RHOD: variants seen among roughly 807,000 people sequenced by gnomAD.
The protein encoded by RHOD is ras homolog family member D, also known as rho-related GTP-binding protein RhoD.
In RHOD, 11 loss-of-function variants were observed where a neutral mutation model predicts 16.7. That is an observed-to-expected ratio of 0.66 (90% CI 0.41 to 1.09). The LOEUF is 1.09. Ranked by LOEUF, RHOD falls within the 50% of genes least tolerant of loss-of-function variation. The pLI, the probability that RHOD is intolerant of heterozygous loss-of-function variation, is 0.00. For synonymous variants in RHOD, 124 were observed against 126.3 expected (o/e 0.98, Z 0.12); for missense variants, 271 against 291.7 (o/e 0.93, Z 0.52).
At chr11:67,070,259 A>G (rs763568271) in intron 3 of RHOD, 166 bp from the exon 4 acceptor site, 7 of 773,208 alleles carry the variant, frequency 9.1e-6, no homozygotes, top group Admixed American at 4.0e-5. Flanking sequence ...ATACGTGTAA[A>G]TTCTTAGATG....
intron 1 of RHOD, among the ~76,000 whole-genome samples, chr11:67,057,911 G>A (rs944141782): frequency 9.2e-5 from 14 of 152,364 alleles, no homozygotes; most frequent in African/African-American, 2.6e-4. Flanking sequence ...AGACTCCACG[G>A]GCACCAGGCG....
intron 4 of RHOD, among the ~76,000 whole-genome samples, 160 bp downstream of exon 4, chr11:67,070,719 T>C (rs1855019325): frequency 6.6e-6 from 1 of 152,016 alleles, no homozygotes; most frequent in Non-Finnish European, 1.5e-5. Flanking sequence ...CACTTAGAAA[T>C]GGTCCCTAGA....
chr11:67,067,854 C>T (rs1424277154), intron 3 of RHOD, among the ~76,000 whole-genome samples: 1 of 152,118 alleles, frequency 6.6e-6, no homozygotes, highest in Non-Finnish European at 1.5e-5. Flanking sequence ...GGCTGGAGTG[C>T]AGTGGCGCCA....
At chr11:67,068,977 G>T (rs1854991913) in intron 3 of RHOD, among the ~76,000 whole-genome samples, 1 of 151,904 alleles carries the variant, frequency 6.6e-6, no homozygotes, top group South Asian at 2.1e-4. Context: ...TTGTTTGTTT[G>T]TTTGTTTTGA....
rs1476135954 is a variant in RHOD at position 67,063,832 on chromosome 11, G to A, written c.133-2064G>A. Among the ~76,000 whole-genome samples the A allele has an allele frequency of 3.4e-5, 5 of 146,464 alleles. No individual in the cohort carries two copies. The Admixed American group carries it at 3.5e-4, about 10-fold the overall frequency. On this transcript the variant is annotated intron_variant, in intron 1 of 4. Coordinates refer to ENST00000308831, the MANE Select transcript of RHOD (RefSeq NM_014578.4). ...AAAAAAAAAAAAAAAAAAAGCCCGG[G>A]TACAGTGGCTCATGCCTGTAACCCC... is the stretch of plus-strand genomic sequence containing the variant.
chr11:67,070,999 G>A (rs976248533), intron 4 of RHOD, among the ~76,000 whole-genome samples: 2 of 152,136 alleles, frequency 1.3e-5, no homozygotes, highest in Non-Finnish European at 1.5e-5. Context: ...TTGGGAGGCC[G>A]AGGTGGGTGG....
At position 67,070,407 on chromosome 11, in the gene RHOD, C is replaced by T. The variant is rs1855013732; in HGVS notation, c.331-18C>T. The T allele has an allele frequency of 6.2e-7, 1 of 1,613,464 alleles. No homozygotes were observed. The highest frequency in any genetic ancestry group is 1.1e-5 in the South Asian group (1 of 91,042). On this transcript the variant is annotated intron_variant, in intron 3 of 4. Coordinates refer to ENST00000308831, the MANE Select transcript of RHOD (RefSeq NM_014578.4). ...GGGCTCACACATGCCCCCCACATGC[C>T]CCCTCGCCCCCCTGCAGTGGTACCC...
chr11:67,068,296 G>A (rs778552897), intron 3 of RHOD, among the ~76,000 whole-genome samples: 1 of 152,196 alleles, frequency 6.6e-6, no homozygotes, highest in Non-Finnish European at 1.5e-5. Context: ...AGCTACGGGT[G>A]CAGTAAAGCC....
chr11:67,071,496 A>G lies in RHOD; in HGVS notation c.527A>G (p.His176Arg). ...TACCTCGAGTGCTCGGCTCGGCTCC[A>G]TGACAACGTCCACGCCGTCTTCCAG... ...VAYLECSARL[H>R]DNVHAVFQEA... Residue 176 changes from histidine to arginine, a missense_variant, in exon 5 of 5, where the codon CAT (histidine) becomes CGT (arginine). Transcript: ENST00000308831. 4 of 1,611,046 alleles carry G rather than the reference A, an allele frequency of 2.5e-6. No homozygotes were observed. Among genetic ancestry groups the G allele is most frequent in the Non-Finnish European group, 3.4e-6 (4 of 1,179,500 alleles).
Position 67,065,887 on chromosome 11 carries a change from TCTC to T in RHOD, c.133-5_133-3del. ...TCCTCACACCCTCCCCCGCCCTGCT[TCTC>T]CTCAGAGCTACACCCCCACGGTGTT... On this transcript the variant is annotated splice_polypyrimidine_tract_variant and splice_region_variant and intron_variant, in intron 1 of 4. Transcript: ENST00000308831. 6.2e-7 allele frequency: 1 copy of T among 1,611,278 alleles called. No individual in the cohort carries two copies. The highest frequency in any genetic ancestry group is 8.5e-7 in the Non-Finnish European group (1 of 1,177,712).
At chr11:67,064,278 C>T (rs11604516) in intron 1 of RHOD, among the ~76,000 whole-genome samples, 4 of 146,170 alleles carry the variant, frequency 2.7e-5, no homozygotes, top group South Asian at 2.2e-4. Flanking sequence ...TGGTGGCGGG[C>T]GCCTGTAGTC....
chr11:67,063,569 A>T (rs7933721), intron 1 of RHOD, among the ~76,000 whole-genome samples: 2 of 145,786 alleles, frequency 1.4e-5, no homozygotes, highest in Non-Finnish European at 3.0e-5. Context: ...AGGCCGAGGC[A>T]GGTGGATCAC....
chr11:67,058,947 G>A (rs1214246384), intron 1 of RHOD, among the ~76,000 whole-genome samples: 3 of 152,162 alleles, frequency 2.0e-5, no homozygotes, highest in African/African-American at 7.2e-5. Context: ...CACCACACAG[G>A]GACAGGTGGC....
intron 1 of RHOD, among the ~76,000 whole-genome samples, chr11:67,064,325 GA>G (rs1018119174): frequency 6.8e-6 from 1 of 146,412 alleles, no homozygotes; most frequent in African/African-American, 2.5e-5. Flanking sequence ...AGAATGGCGT[GA>G]ACCTGGGAGG....
chr11:67,060,705 C>T (rs1250074336), intron 1 of RHOD, among the ~76,000 whole-genome samples: 1 of 152,258 alleles, frequency 6.6e-6, no homozygotes, highest in Admixed American at 6.5e-5. Flanking sequence ...GTTGTACTGA[C>T]GTTCCGAGCT....
In RHOD at chr11:67,066,954, T is replaced by C. The variant is rs1473493631; in HGVS notation, c.330+107T>C. On this transcript the variant is annotated intron_variant, in intron 3 of 4. Coordinates refer to ENST00000308831, the MANE Select transcript of RHOD (RefSeq NM_014578.4). ...TCAGAGCTTGGCAGGCCCAAAATGA[T>C]ATTGATTCCAGAGCTTTTGGTGTAT... is the stretch of plus-strand genomic sequence containing the variant. 6.4e-6 allele frequency: 5 copies of C among 786,576 alleles called. No individual in the cohort carries two copies. In the African/African-American group the frequency reaches 6.7e-5, roughly 11 times the overall value. The allele number at this position is 786,576 out of a possible 1,614,324, so 48.7% of individuals were successfully genotyped here.
chr11:67,061,774 A>ATGTG (rs1322208987), intron 1 of RHOD, among the ~76,000 whole-genome samples: 44 of 136,456 alleles, frequency 3.2e-4, no homozygotes, highest in African/African-American at 7.8e-4. Flanking sequence ...ATATATATAT[A>ATGTG]TGTGTGTGTG....
Position 67,070,472 on chromosome 11 carries a change from C to G in RHOD, c.378C>G (p.Val126=). 6.2e-7 allele frequency: 1 copy of G among 1,614,028 alleles called. No individual in the cohort carries two copies. The highest frequency in any genetic ancestry group is 8.5e-7 in the Non-Finnish European group (1 of 1,180,000). Residue 126 remains valine (V), a synonymous_variant, in exon 4 of 5, where the codon GTC becomes GTG. Transcript: ENST00000308831. ...NHFCKKVPII[V]VGCKTDLRKD... ...TCTGCAAGAAGGTACCCATCATCGT[C>G]GTGGGCTGCAAGACTGACCTGCGCA...
At chr11:67,057,612 A>G (rs1259248818) in intron 1 of RHOD, among the ~76,000 whole-genome samples, 1 of 152,230 alleles carries the variant, frequency 6.6e-6, no homozygotes, top group Non-Finnish European at 1.5e-5. Context: ...TGGAAAGCAC[A>G]TGCCATGGGC....
Sources: allele counts gnomAD v4.1 joint callset (sites outside exome capture counted in the v4.1 genomes callset), GRCh38; gene constraint gnomAD v4.1.1; transcripts MANE v1.5; gene names NCBI Gene and HGNC (gene_info 2026-07-23, HGNC 2026-07-21).